STK3: variants seen among roughly 807,000 people sequenced by gnomAD.
STK3 encodes serine/threonine-protein kinase 3.
A neutral mutation model predicts 58.0 loss-of-function variants in STK3; 41 were observed. The ratio of observed to expected loss-of-function variants is 0.71; its 90% confidence interval spans 0.55 to 0.92. STK3 has a LOEUF of 0.92. Ranked by LOEUF, STK3 falls within the 40% of genes least tolerant of loss-of-function variation. STK3 has a pLI of 0.00. For synonymous variants in STK3, 170 were observed against 191.0 expected (o/e 0.89, Z 0.91); for missense variants, 479 against 602.7 (o/e 0.79, Z 2.15).
chr8:98,794,273 T>C (rs776176475), intron 1 of STK3, among the ~76,000 whole-genome samples: 6 of 152,024 alleles, frequency 3.9e-5, no homozygotes, highest in Admixed American at 1.3e-4. Flanking sequence ...GACTGCAAGC[T>C]AGATTAACAA....
At chr8:98,476,340 G>C (rs1262843073) in intron 10 of STK3, among the ~76,000 whole-genome samples, 3 of 152,128 alleles carry the variant, frequency 2.0e-5, no homozygotes, top group African/African-American at 7.2e-5. Context: ...GGTTTTTACT[G>C]GTTAGGTGAT....
At chr8:98,744,792 A>T (rs551338794) in intron 4 of STK3, among the ~76,000 whole-genome samples, 2 of 152,272 alleles carry the variant, frequency 1.3e-5, no homozygotes, top group African/African-American at 4.8e-5. Flanking sequence ...CTGCTAGAAC[A>T]GACAGACCAA....
At chr8:98,869,572 CAGAGGT>C in intron 3 of STK3, among the ~76,000 whole-genome samples, 1 of 152,174 alleles carries the variant, frequency 6.6e-6, no homozygotes, top group South Asian at 2.1e-4. Flanking sequence ...CATGTGAAGA[CAGAGGT>C]AGAGATTAAA....
At chr8:98,542,641 G>A (rs1375392747) in intron 9 of STK3, among the ~76,000 whole-genome samples, 2 of 152,204 alleles carry the variant, frequency 1.3e-5, no homozygotes, top group Non-Finnish European at 2.9e-5. Flanking sequence ...CGCATGGGAA[G>A]CAGGGCTGAC....
the STK3 span, among the ~76,000 whole-genome samples, chr8:98,348,747 T>A: frequency 6.6e-6 from 1 of 152,228 alleles, no homozygotes; most frequent in Non-Finnish European, 1.5e-5. Context: ...TTCAAGACAC[T>A]GATAACACCA....
intron 7 of STK3, among the ~76,000 whole-genome samples, chr8:98,589,973 C>A (rs1238650236): frequency 6.6e-6 from 1 of 152,190 alleles, no homozygotes; most frequent in Non-Finnish European, 1.5e-5. Context: ...ACGGTGCACG[C>A]ACCCACTGAC....
At chr8:98,749,445 T>C (rs1829832886) in intron 3 of STK3, 55 bp from the exon 4 acceptor site, 4 of 1,016,268 alleles carry the variant, frequency 3.9e-6, no homozygotes, top group African/African-American at 1.6e-5. Context: ...GAAATTTTTT[T>C]CTTAATCCCA....
At chr8:98,391,422 T>C (rs139842477), upstream of STK3, 2 of 152,348 alleles carry the variant, frequency 1.3e-5, no homozygotes, top group African/African-American at 4.8e-5. Flanking sequence ...GGATGAGACA[T>C]GCAGCTCATA....
chr8:98,714,298 G>A (rs2131136837), intron 4 of STK3, among the ~76,000 whole-genome samples: 1 of 152,244 alleles, frequency 6.6e-6, no homozygotes, highest in South Asian at 2.1e-4. Context: ...GGCAGGAGAA[G>A]GAAATTAAGG....
rs926808454 is a variant in STK3, at chr8:98,731,795, A to G, written c.351+17481T>C. ...TCCCTTAAAAGCTAGCTCCCAACCC[A>G]TTCACCCTAATATTATGCCTGTCAG... On this transcript the variant is annotated intron_variant, in intron 4 of 10. Coordinates refer to ENST00000419617, the MANE Select transcript of STK3 (RefSeq NM_006281.4). Among the ~76,000 whole-genome samples the G allele has an allele frequency of 3.3e-5, 5 of 151,850 alleles. No individual in the cohort carries two copies. The East Asian group carries it at 9.7e-4, about 29-fold the overall frequency.
intron 6 of STK3, among the ~76,000 whole-genome samples, chr8:98,653,915 CTGG>C (rs1821217275): frequency 3.9e-5 from 6 of 152,226 alleles, no homozygotes; most frequent in African/African-American, 1.4e-4. Context: ...CAAGGAGGAA[CTGG>C]TACCATTCCT....
intron 8 of STK3, among the ~76,000 whole-genome samples, chr8:98,573,028 C>T (rs1289903778): frequency 2.0e-5 from 3 of 152,036 alleles, no homozygotes; most frequent in Admixed American, 6.6e-5. Context: ...ATACCTAAAA[C>T]GACTTGGTAT....
chr8:98,808,974 T>A (rs1326336731), intron 1 of STK3, among the ~76,000 whole-genome samples: 1 of 152,090 alleles, frequency 6.6e-6, no homozygotes, highest in Admixed American at 6.5e-5. Context: ...AATAATTTAA[T>A]CAATCATGCC....
intron 6 of STK3, among the ~76,000 whole-genome samples, chr8:98,671,889 C>A (rs773876456): frequency 3.3e-5 from 5 of 152,054 alleles, no homozygotes; most frequent in Non-Finnish European, 7.4e-5. Context: ...GCAGTTTCCC[C>A]CTGCTGTTCT....
intron 1 of STK3, among the ~76,000 whole-genome samples, chr8:98,444,572 G>C (rs1049909912): frequency 6.6e-6 from 1 of 152,176 alleles, no homozygotes; most frequent in Non-Finnish European, 1.5e-5. Context: ...GACTGAACTG[G>C]CAGAGGTAGA....
chr8:98,594,702 T>C (rs1156356548), intron 7 of STK3, among the ~76,000 whole-genome samples: 1 of 152,192 alleles, frequency 6.6e-6, no homozygotes, highest in Non-Finnish European at 1.5e-5. Flanking sequence ...AAAATAAATG[T>C]TTTAATCAAT....
intron 9 of STK3, among the ~76,000 whole-genome samples, chr8:98,529,717 C>T (rs571836664): frequency 6.6e-5 from 10 of 152,244 alleles, no homozygotes; most frequent in African/African-American, 9.6e-5. Flanking sequence ...CTGACACATG[C>T]TACAACATGG....
the STK3 span, among the ~76,000 whole-genome samples, chr8:98,365,906 C>A: frequency 6.6e-6 from 1 of 152,100 alleles, no homozygotes; most frequent in Non-Finnish European, 1.5e-5. Flanking sequence ...ATCATACAGA[C>A]TTATTTGTTT....
chr8:98,884,586 G>A (rs1434583285), intron 1 of STK3, among the ~76,000 whole-genome samples: 2 of 151,978 alleles, frequency 1.3e-5, no homozygotes, highest in Non-Finnish European at 1.5e-5. Flanking sequence ...GAATGCTTAT[G>A]TCCCCTTAAA....
Sources: allele counts gnomAD v4.1 joint callset (sites outside exome capture counted in the v4.1 genomes callset), GRCh38; gene constraint gnomAD v4.1.1; transcripts MANE v1.5; gene names NCBI Gene and HGNC (gene_info 2026-07-23, HGNC 2026-07-21).